The following SNX18 variants were observed in gnomAD, a reference collection of about 807,000 sequenced individuals.
The protein encoded by SNX18 is sorting nexin-18.
Under a neutral mutation model 48.7 loss-of-function variants are expected in SNX18, and 35 were observed. That is an observed-to-expected ratio of 0.72 (90% CI 0.55 to 0.95). The LOEUF (loss-of-function observed/expected upper bound fraction) is 0.95. SNX18 is among the 40% of genes least tolerant of loss of function. The pLI, the probability that SNX18 is intolerant of heterozygous loss-of-function variation, is 0.00. For missense variants in SNX18, 824 were observed against 871.0 expected, an observed-to-expected ratio of 0.95 and a Z score of 0.68; for synonymous variants, 492 against 384.7, an observed-to-expected ratio of 1.28 and a Z score of -3.26.
At chr5:54,634,091 G>A in the SNX18 span, among the ~76,000 whole-genome samples, 60,170 of 152,048 alleles carry the variant, frequency 0.4, 12,509 homozygotes, top group African/African-American at 0.51. Flanking sequence ...AATATCTTAA[G>A]GAGTTTGTTG....
At chr5:54,551,542 C>G (rs1762655856), downstream of SNX18, among the ~76,000 whole-genome samples, 1 of 152,158 alleles carries the variant, frequency 6.6e-6, no homozygotes, top group Non-Finnish European at 1.5e-5. Flanking sequence ...TTATTTTGCT[C>G]TAGGAATGAT....
At chr5:54,536,539 T>C (rs1489488208) in intron 1 of SNX18, among the ~76,000 whole-genome samples, 1 of 152,140 alleles carries the variant, frequency 6.6e-6, no homozygotes. Flanking sequence ...TTCATCCATG[T>C]CCCTACAAAG....
chr5:54,611,845 T>C, the SNX18 span, among the ~76,000 whole-genome samples: 1 of 151,490 alleles, frequency 6.6e-6, no homozygotes, highest in South Asian at 2.1e-4. Context: ...AGCAACACAT[T>C]GTGAATTCTG....
chr5:54,569,581 T>G, the SNX18 span, among the ~76,000 whole-genome samples: 1 of 152,170 alleles, frequency 6.6e-6, no homozygotes, highest in Admixed American at 6.5e-5. Context: ...GAAGACTTAT[T>G]TCTTCACTTT....
rs1371399512 is a variant in SNX18, at chr5:54,543,715, TG to T, written c.*284del. Reference sequence around the variant, plus strand: ...TTATACTATTTGCCTTATTGCTTTTTGAAGTATGGGTATTTTAGTGCATACT... The same window carrying T: ...TTATACTATTTGCCTTATTGCTTTTTAAGTATGGGTATTTTAGTGCATACT... On this transcript the variant is annotated 3_prime_UTR_variant, in exon 2 of 2. Coordinates refer to ENST00000381410, the MANE Select transcript of SNX18 (RefSeq NM_001102575.2). 2 of 326,804 alleles carry T rather than the reference TG, an allele frequency of 6.1e-6. No homozygotes were observed. The highest frequency in any genetic ancestry group is 1.1e-5 in the Non-Finnish European group (2 of 177,658). The allele number at this position is 326,804 out of a possible 1,614,324, so 20.2% of individuals were successfully genotyped here. A position where few individuals can be genotyped will look rare whatever the true frequency, so the allele number is the denominator to read the frequency against.
chr5:54,600,174 A>G, the SNX18 span, among the ~76,000 whole-genome samples: 1 of 152,348 alleles, frequency 6.6e-6, no homozygotes, highest in East Asian at 1.9e-4. Flanking sequence ...AAGGACATGA[A>G]CAGACCCCTC....
At chr5:54,528,979 T>C (rs917660717) in intron 1 of SNX18, among the ~76,000 whole-genome samples, 4 of 152,124 alleles carry the variant, frequency 2.6e-5, no homozygotes, top group African/African-American at 9.7e-5. Flanking sequence ...GCTCCTCACA[T>C]GCTTTTGATG....
the SNX18 span, among the ~76,000 whole-genome samples, chr5:54,638,449 C>T: frequency 6.6e-6 from 1 of 152,138 alleles, no homozygotes; most frequent in Non-Finnish European, 1.5e-5. Context: ...CACACTATGC[C>T]TCATCTTTAA....
the SNX18 span, among the ~76,000 whole-genome samples, chr5:54,611,881 C>T: frequency 0.39 from 57,384 of 146,226 alleles, 11,644 homozygotes; most frequent in East Asian, 0.5. Context: ...TCTTCTTCTT[C>T]TTTTTTTTTA....
At chr5:54,563,478 AG>A in the SNX18 span, among the ~76,000 whole-genome samples, 1 of 152,246 alleles carries the variant, frequency 6.6e-6, no homozygotes, top group Non-Finnish European at 1.5e-5. Flanking sequence ...TTTGTAGCCT[AG>A]GAGCAATAGG....
the SNX18 span, among the ~76,000 whole-genome samples, chr5:54,597,532 A>G: frequency 7.2e-5 from 11 of 152,044 alleles, no homozygotes; most frequent in Non-Finnish European, 1.5e-4. Context: ...GACTGAAACC[A>G]TAACAGTCTC....
At chr5:54,539,326 A>T (rs746180183) in intron 1 of SNX18, among the ~76,000 whole-genome samples, 4 of 152,220 alleles carry the variant, frequency 2.6e-5, no homozygotes, top group Non-Finnish European at 4.4e-5. Flanking sequence ...ATTTCCTTGT[A>T]GTAAAACTAG....
the SNX18 span, among the ~76,000 whole-genome samples, chr5:54,646,931 A>G: frequency 6.6e-6 from 1 of 152,070 alleles, no homozygotes; most frequent in Non-Finnish European, 1.5e-5. Context: ...TCTCCAAGAG[A>G]GCTGGGACTG....
chr5:54,642,469 T>A, the SNX18 span, among the ~76,000 whole-genome samples: 1 of 152,080 alleles, frequency 6.6e-6, no homozygotes, highest in Non-Finnish European at 1.5e-5. Context: ...CAATGGGATG[T>A]CATCTCTCAG....
chr5:54,561,658 T>G, the SNX18 span, among the ~76,000 whole-genome samples: 1 of 152,134 alleles, frequency 6.6e-6, no homozygotes, highest in East Asian at 1.9e-4. Flanking sequence ...TTTATTATCA[T>G]AAATGCTCCT....
the SNX18 span, among the ~76,000 whole-genome samples, chr5:54,635,754 A>G: frequency 6.6e-6 from 1 of 152,200 alleles, no homozygotes; most frequent in Non-Finnish European, 1.5e-5. Context: ...ACAGGGCCCC[A>G]TGCTCAGAGG....
the SNX18 span, among the ~76,000 whole-genome samples, chr5:54,634,806 C>A: frequency 6.6e-6 from 1 of 151,926 alleles, no homozygotes. Flanking sequence ...AAATATACAC[C>A]ATTTTGGAAT....
At chr5:54,550,427 G>A (rs577880057), downstream of SNX18, among the ~76,000 whole-genome samples, 1 of 151,660 alleles carries the variant, frequency 6.6e-6, no homozygotes, top group African/African-American at 2.4e-5. Context: ...AAAACTGTAG[G>A]TATCTATCAT....
chr5:54,604,413 A>G, the SNX18 span, among the ~76,000 whole-genome samples: 15 of 152,360 alleles, frequency 9.8e-5, no homozygotes, highest in East Asian at 2.9e-3. Flanking sequence ...ATAAGTACAT[A>G]CAATGAAATA....
Sources: gnomAD v4.1 joint callset for allele counts (sites outside exome capture counted in the v4.1 genomes callset) on GRCh38, gnomAD v4.1.1 for gene constraint, MANE v1.5 for transcripts, NCBI Gene and HGNC (gene_info 2026-07-23, HGNC 2026-07-21) for gene names.